The following ATG2B variants were observed in gnomAD, a reference collection of about 807,000 sequenced individuals.
The protein encoded by ATG2B is autophagy related 2B.
A neutral mutation model predicts 241.3 loss-of-function variants in ATG2B; 121 were observed. The ratio of observed to expected loss-of-function variants is 0.50; its 90% CI spans 0.43 to 0.58. The LOEUF is 0.58. Among genes scored for constraint, ATG2B ranks in the 20% least tolerant of loss-of-function variants. ATG2B has a pLI of 0.00. For missense variants in ATG2B, 2,306 were observed against 2,491.6 expected, an observed-to-expected ratio of 0.93 and a Z score of 1.59; for synonymous variants, 858 against 876.6, an observed-to-expected ratio of 0.98 and a Z score of 0.37.
chr14:96,337,722 G>A (rs1887902749), intron 6 of ATG2B, among the ~76,000 whole-genome samples: 1 of 151,990 alleles, frequency 6.6e-6, no homozygotes, highest in African/African-American at 2.4e-5. Flanking sequence ...GATAACCCCA[G>A]ATCTGTTTTT....
rs547295516 is a variant in ATG2B at position 96,297,446 on chromosome 14, G to A, written c.5140-1886C>T. Among the ~76,000 whole-genome samples the A allele has an allele frequency of 2.6e-5, 4 of 152,268 alleles. No individual in the cohort carries two copies. In the East Asian group the frequency reaches 5.8e-4, roughly 22 times the overall value. ...AGAGTCTCGCTCTGTTGCCCAGGCTGGAGTGCAGTGGCACGATCTCGGCTC... is the reference window on the plus strand; with the variant it reads ...AGAGTCTCGCTCTGTTGCCCAGGCTAGAGTGCAGTGGCACGATCTCGGCTC... On this transcript the variant is annotated intron_variant, in intron 34 of 41. Transcript: ENST00000359933.
intron 23 of ATG2B, among the ~76,000 whole-genome samples, chr14:96,313,965 T>C (rs1051142431): frequency 2.3e-4 from 35 of 152,226 alleles, no homozygotes; most frequent in African/African-American, 8.2e-4. Flanking sequence ...TGGTTTTTCA[T>C]ATAAGTCATT....
intron 8 of ATG2B, 23 bp from the exon 9 acceptor site, chr14:96,332,678 AC>A: frequency 6.6e-7 from 1 of 1,521,120 alleles, no homozygotes; most frequent in Non-Finnish European, 8.8e-7. Flanking sequence ...AAACTATGTC[AC>A]TTGTATTATA....
intron 16 of ATG2B, 98 bp from the exon 17 acceptor site, chr14:96,322,833 T>C (rs1887495651): frequency 2.1e-6 from 2 of 959,008 alleles, no homozygotes; most frequent in African/African-American, 1.7e-5. Flanking sequence ...TGGTTAAATC[T>C]TAATGATAGA....
intron 41 of ATG2B, among the ~76,000 whole-genome samples, chr14:96,287,405 C>T (rs1886368945): frequency 1.3e-5 from 2 of 152,190 alleles, no homozygotes; most frequent in African/African-American, 4.8e-5. Context: ...TCTCCCTCCC[C>T]TCTCCACCAG....
chr14:96,316,410 AT>A, intron 21 of ATG2B, 122 bp downstream of exon 21: 1 of 954,984 alleles, frequency 1.0e-6, no homozygotes, highest in Non-Finnish European at 1.6e-6. Context: ...TGACAGCAGA[AT>A]GAGAGCCCTC....
intron 27 of ATG2B, 47 bp from the exon 28 acceptor site, chr14:96,311,334 CA>C (rs773922529): frequency 1.3e-6 from 2 of 1,549,944 alleles, no homozygotes; most frequent in Non-Finnish European, 1.7e-6. Context: ...CCAAATGAGA[CA>C]AAAGTTTCTT....
At chr14:96,345,542 T>C (rs1355402881) in intron 2 of ATG2B, among the ~76,000 whole-genome samples, 157 bp from the exon 3 acceptor site, 1 of 152,184 alleles carries the variant, frequency 6.6e-6, no homozygotes, top group Non-Finnish European at 1.5e-5. Context: ...GAAAGTACTC[T>C]TGAGATTTAA....
intron 36 of ATG2B, among the ~76,000 whole-genome samples, chr14:96,293,754 T>C (rs1886553021): frequency 6.6e-6 from 1 of 152,212 alleles, no homozygotes. Flanking sequence ...CTCAATATTT[T>C]AAATAGTCTA....
chr14:96,294,246 A>C (rs945257815), intron 36 of ATG2B, among the ~76,000 whole-genome samples: 4 of 152,248 alleles, frequency 2.6e-5, no homozygotes, highest in South Asian at 2.1e-4. Flanking sequence ...AGAAAGCAGC[A>C]CAGAAAATCA....
intron 41 of ATG2B, among the ~76,000 whole-genome samples, chr14:96,288,593 T>C (rs1350490500): frequency 6.6e-6 from 1 of 152,154 alleles, no homozygotes; most frequent in Non-Finnish European, 1.5e-5. Flanking sequence ...CCTACCTTCG[T>C]GGACTTCCTG....
chr14:96,362,615 C>T (rs116712101), intron 1 of ATG2B, among the ~76,000 whole-genome samples, 200 bp downstream of exon 1: 1,984 of 151,106 alleles, frequency 0.013, 56 homozygotes, highest in African/African-American at 0.045. Flanking sequence ...GTTAAAGTTT[C>T]CGGAACACGT....
chr14:96,290,273 C>T lies in ATG2B; in HGVS notation c.5856+163G>A. 7.9e-7 allele frequency: 1 copy of T among 1,261,162 alleles called. No individual in the cohort carries two copies. The highest frequency in any genetic ancestry group is 1.1e-6 in the Non-Finnish European group (1 of 947,522). 78.1% of individuals were successfully genotyped at this position (1,261,162 alleles called of 1,614,324 possible). ...ACTGCTTTATTCTAATTATTTAACA[C>T]TAAACATTTAAGCAATAAAACAAGC... On this transcript the variant is annotated intron_variant, in intron 40 of 41. Transcript: ENST00000359933. The surrounding 1 kb of genome is among the most constrained non-coding windows in gnomAD (Gnocchi z 4.4).
intron 11 of ATG2B, among the ~76,000 whole-genome samples, chr14:96,330,817 T>C (rs17094023): frequency 0.22 from 32,903 of 152,078 alleles, 4,414 homozygotes; most frequent in Non-Finnish European, 0.29. Flanking sequence ...AATTCAATTA[T>C]CTCCTCATCT....
intron 10 of ATG2B, among the ~76,000 whole-genome samples, chr14:96,332,085 A>C (rs1375129972): frequency 2.0e-5 from 3 of 152,160 alleles, no homozygotes; most frequent in African/African-American, 7.2e-5. Context: ...TGTACTTTTA[A>C]CTAAAAATAT....
At chr14:96,313,474 A>G in intron 23 of ATG2B, 39 bp from the exon 24 acceptor site, 1 of 1,121,048 alleles carries the variant, frequency 8.9e-7, no homozygotes, top group Non-Finnish European at 1.3e-6. Context: ...GCTTTAGAAG[A>G]AAAAAAAGGT....
rs1888732128 is a variant in ATG2B at position 96,363,198 on chromosome 14, G to A, written c.-222C>T. On this transcript the variant is annotated 5_prime_UTR_variant, in exon 1 of 42. Coordinates refer to ENST00000359933, the MANE Select transcript of ATG2B (RefSeq NM_018036.7). ...CGCAGAGGGGTCCTCCTGGCCCCAG[G>A]CCAGGGGACTTCCGAGGAGGGTCCC... is the stretch of plus-strand genomic sequence containing the variant. 2 of 537,232 alleles carry A rather than the reference G, an allele frequency of 3.7e-6. No homozygotes were observed. Among genetic ancestry groups the A allele is most frequent in the Non-Finnish European group, 6.6e-6 (2 of 303,032 alleles). 33.3% of individuals were successfully genotyped at this position (537,232 alleles called of 1,614,324 possible).
Position 96,285,700 on chromosome 14 carries a change from G to A in ATG2B, c.*55C>T. ...GAGCTTCCTCTGAAGCTGCTGTCAG[G>A]ACTCTGAGCTCCTGGTTCCACTCTC... On this transcript the variant is annotated 3_prime_UTR_variant, in exon 42 of 42. Coordinates refer to ENST00000359933, the MANE Select transcript of ATG2B (RefSeq NM_018036.7). The surrounding 1 kb of genome is among the most constrained non-coding windows in gnomAD (Gnocchi z 4.2). 1 of 1,522,016 alleles carries A rather than the reference G, an allele frequency of 6.6e-7. No homozygotes were observed. 94.3% of individuals were successfully genotyped at this position (1,522,016 alleles called of 1,614,324 possible). A position where few individuals can be genotyped will look rare whatever the true frequency, so the allele number is the denominator to read the frequency against.
At chr14:96,311,048 T>C (rs1013973763) in intron 28 of ATG2B, 69 bp downstream of exon 28, 2 of 1,369,554 alleles carry the variant, frequency 1.5e-6, no homozygotes, top group East Asian at 4.9e-5. Context: ...ATGACTGTCA[T>C]GAAGACCTCA....
Sources: gnomAD v4.1 joint callset for allele counts (sites outside exome capture counted in the v4.1 genomes callset) on GRCh38, gnomAD v4.1.1 for gene constraint, Gnocchi (gnomAD v3.1) non-coding constraint, MANE v1.5 for transcripts, NCBI Gene and HGNC (gene_info 2026-07-23, HGNC 2026-07-21) for gene names.